DNAJC11: variants seen among roughly 807,000 people sequenced by gnomAD.
DNAJC11 encodes DnaJ heat shock protein family (Hsp40) member C11, also known as dnaJ homolog subfamily C member 11.
In DNAJC11, 15 loss-of-function variants were observed where a neutral mutation model predicts 78.6. That is an observed-to-expected ratio of 0.19 (90% CI 0.13 to 0.29). The LOEUF (loss-of-function observed/expected upper bound fraction) is 0.29, where lower values mean the gene tolerates loss of function less well. Among genes scored for constraint, DNAJC11 ranks in the 10% least tolerant of loss-of-function variants. DNAJC11 has a pLI of 1.00. For synonymous variants in DNAJC11, 292 were observed against 272.1 expected, an observed-to-expected ratio of 1.07 and a Z score of -0.72; for missense variants, 547 against 709.6, an observed-to-expected ratio of 0.77 and a Z score of 2.60.
intron 12 of DNAJC11, chr1:6,637,815 A>C: frequency 2.0e-6 from 1 of 502,064 alleles, no homozygotes; most frequent in Non-Finnish European, 3.6e-6. Flanking sequence ...CAATAAAAAA[A>C]CAATGCGTTG....
At position 6,653,095 on chromosome 1, in the gene DNAJC11, G is replaced by A. The variant is rs1346695800; in HGVS notation, c.508-144C>T. ...AAGCACACATGGATGCAGAACTGCC[G>A]CAACAGCTTCACTTTTCTTCCGCTT... On this transcript the variant is annotated intron_variant, in intron 5 of 15. Transcript: ENST00000377577. This position sits in a 1 kb window ranked among gnomAD's most constrained non-coding sequence, Gnocchi z 4.5. 12 of 925,960 alleles carry A rather than the reference G, an allele frequency of 1.3e-5. No individual in the cohort carries two copies. The highest frequency in any genetic ancestry group is 4.8e-5 in the Admixed American group (2 of 41,288). 57.4% of individuals were successfully genotyped at this position (925,960 alleles called of 1,614,324 possible).
rs1311425999 is a variant in DNAJC11, at chr1:6,653,630, T to C, written c.507+281A>G. ...CTTTCTCTCCCAGAACCCCATGACC[T>C]TGGGCCTCTACTTCTCCCAGACCAT... On this transcript the variant is annotated intron_variant, in intron 5 of 15. Transcript: ENST00000377577. This position sits in a 1 kb window ranked among gnomAD's most constrained non-coding sequence, Gnocchi z 4.5. 6.6e-6 allele frequency among the ~76,000 whole-genome samples: 1 copy of C among 152,154 alleles called. No homozygotes were observed. The highest frequency in any genetic ancestry group is 1.9e-4 in the East Asian group (1 of 5,194).
chr1:6,699,062 T>C (rs1264749796), intron 1 of DNAJC11, among the ~76,000 whole-genome samples: 1 of 151,188 alleles, frequency 6.6e-6, no homozygotes, highest in African/African-American at 2.4e-5. Context: ...TCCCGGCACT[T>C]TGGGAGGCAG....
chr1:6,663,433 C>T (rs940946728), intron 4 of DNAJC11, among the ~76,000 whole-genome samples: 1 of 152,040 alleles, frequency 6.6e-6, no homozygotes, highest in Non-Finnish European at 1.5e-5. Flanking sequence ...GGCTGCCCTC[C>T]ACAGAGGGAG....
At chr1:6,647,479 G>A (rs1641983629) in intron 7 of DNAJC11, among the ~76,000 whole-genome samples, 2 of 152,136 alleles carry the variant, frequency 1.3e-5, no homozygotes, top group South Asian at 4.1e-4. Flanking sequence ...TTAGAGGACC[G>A]TGGTTAGCAG....
chr1:6,645,732 G>C lies in DNAJC11; in HGVS notation c.894+57C>G. 6.3e-7 allele frequency: 1 copy of C among 1,583,374 alleles called. No individual in the cohort carries two copies. Among genetic ancestry groups the C allele is most frequent in the Non-Finnish European group, 8.6e-7 (1 of 1,156,986 alleles). On this transcript the variant is annotated intron_variant, in intron 8 of 15. Coordinates refer to ENST00000377577, the MANE Select transcript of DNAJC11 (RefSeq NM_018198.4). This position sits in a 1 kb window ranked among gnomAD's most constrained non-coding sequence, Gnocchi z 4.1. ...GATTTAAGGGGAGCACTGAGTGCTT[G>C]GGAGGAGGGGTCCTCCCAGAGCTCT...
intron 11 of DNAJC11, among the ~76,000 whole-genome samples, chr1:6,639,184 CGTT>C (rs995684198): frequency 6.0e-5 from 9 of 150,298 alleles, no homozygotes; most frequent in African/African-American, 9.8e-5. Flanking sequence ...ACTGCAAAAA[CGTT>C]GTGTTTCTGT....
At position 6,645,055 on chromosome 1, in the gene DNAJC11, C is replaced by A. The variant is rs138702756; in HGVS notation, c.966G>T (p.Val322=). 3 of 1,614,120 alleles carry A rather than the reference C, an allele frequency of 1.9e-6. No homozygotes were observed. The highest frequency in any genetic ancestry group is 2.5e-6 in the Non-Finnish European group (3 of 1,179,978). Residue 322 remains valine, a synonymous_variant, in exon 9 of 16, where the codon GTG becomes GTT. Transcript: ENST00000377577. The surrounding 1 kb of genome is among the most constrained non-coding windows in gnomAD (Gnocchi z 4.1). The stretch of plus-strand genomic sequence containing the variant: ...CCAGGACTTACTTGAGGGATCCTTT[C>A]ACACGAGTCTGATCGTCATCTTGGA... ...HKFQDDDQTR[V]KGSLKAGFFG...
intron 4 of DNAJC11, among the ~76,000 whole-genome samples, chr1:6,663,908 C>A (rs531300336): frequency 6.6e-6 from 1 of 152,308 alleles, no homozygotes; most frequent in South Asian, 2.1e-4. Flanking sequence ...GCAGAAGGGA[C>A]TTGATCAAGG....
chr1:6,657,646 T>A (rs1248487166), intron 4 of DNAJC11, among the ~76,000 whole-genome samples: 1 of 152,202 alleles, frequency 6.6e-6, no homozygotes, highest in African/African-American at 2.4e-5. Flanking sequence ...CCCCAAATAA[T>A]GATTCCTACT....
chr1:6,638,714 TG>T (rs918109072), intron 11 of DNAJC11, among the ~76,000 whole-genome samples: 1 of 152,168 alleles, frequency 6.6e-6, no homozygotes, highest in Non-Finnish European at 1.5e-5. Context: ...AAGATAGAGA[TG>T]GGGGTCTCAC....
chr1:6,691,564 C>T (rs918299718), intron 1 of DNAJC11, among the ~76,000 whole-genome samples: 2 of 152,214 alleles, frequency 1.3e-5, no homozygotes, highest in African/African-American at 4.8e-5. Context: ...TGACCTTATA[C>T]CTTCTGTCAT....
Position 6,634,993 on chromosome 1 carries a change from G to A in DNAJC11, c.*682C>T. 1.5e-6 allele frequency: 1 copy of A among 657,260 alleles called. No individual in the cohort carries two copies. The highest frequency in any genetic ancestry group is 2.1e-6 in the Non-Finnish European group (1 of 466,094). 40.7% of individuals were successfully genotyped at this position (657,260 alleles called of 1,614,324 possible). ...CCCACCGGGATACGGGAAGCCACCT[G>A]TGTCAGGGCTAGGCCCTGGGATCGG... On this transcript the variant is annotated 3_prime_UTR_variant, in exon 16 of 16. Transcript: ENST00000377577.
intron 4 of DNAJC11, among the ~76,000 whole-genome samples, chr1:6,657,898 G>C (rs1346743085): frequency 2.0e-5 from 3 of 152,168 alleles, no homozygotes; most frequent in Non-Finnish European, 2.9e-5. Flanking sequence ...GCCCACCTTG[G>C]CCTCCCAAAG....
chr1:6,677,795 A>G (rs1642493611), intron 3 of DNAJC11, among the ~76,000 whole-genome samples: 1 of 152,236 alleles, frequency 6.6e-6, no homozygotes, highest in Non-Finnish European at 1.5e-5. Flanking sequence ...CTCCCACAGC[A>G]TGGCTGCCCA....
At chr1:6,646,378 TG>T (rs1335953019) in intron 7 of DNAJC11, among the ~76,000 whole-genome samples, 1 of 152,204 alleles carries the variant, frequency 6.6e-6, no homozygotes, top group African/African-American at 2.4e-5. Context: ...TGGAATCACC[TG>T]GCTCATCCAC....
intron 7 of DNAJC11, among the ~76,000 whole-genome samples, chr1:6,649,867 C>T (rs1461361590): frequency 6.6e-6 from 1 of 151,992 alleles, no homozygotes. Flanking sequence ...GCCACCATGC[C>T]TGGTTAATTT....
Position 6,637,237 on chromosome 1 carries a change from C to T in DNAJC11, c.1485G>A (p.Leu495=), listed in dbSNP as rs1641794814. The change falls in exon 14 of 16, where the codon CTG becomes CTA. Residue 495 remains leucine, a synonymous_variant. Transcript: ENST00000377577. ...VIDVTVPLQC[L]VKDSKLILTE... ...TGAGGATGAGCTTCGAGTCCTTCAC[C>T]AGGCACTGCAGGGGCACAGTCACGT... 6.2e-7 allele frequency: 1 copy of T among 1,614,170 alleles called. No homozygotes were observed. Among genetic ancestry groups the T allele is most frequent in the African/African-American group, 1.3e-5 (1 of 75,040 alleles).
intron 7 of DNAJC11, among the ~76,000 whole-genome samples, chr1:6,647,775 A>G (rs1641988542): frequency 6.6e-6 from 1 of 152,152 alleles, no homozygotes; most frequent in African/African-American, 2.4e-5. Flanking sequence ...AGACTGCGCC[A>G]CTGCACTCCA....
Sources: gnomAD v4.1 joint callset for allele counts (sites outside exome capture counted in the v4.1 genomes callset) on GRCh38, gnomAD v4.1.1 for gene constraint, Gnocchi (gnomAD v3.1) non-coding constraint, MANE v1.5 for transcripts, NCBI Gene and HGNC (gene_info 2026-07-23, HGNC 2026-07-21) for gene names.